Variants in SSBP2 observed in about 807,000 individuals in gnomAD.
SSBP2 encodes the protein single stranded DNA binding protein 2, also known as single-stranded DNA-binding protein 2.
A neutral mutation model predicts 61.8 loss-of-function variants in SSBP2; 17 were observed. The observed-to-expected ratio is 0.28, with a 90% CI of 0.19 to 0.41. The LOEUF (loss-of-function observed/expected upper bound fraction) is 0.41, where lower values mean the gene tolerates loss of function less well. SSBP2 is among the 10% of genes least tolerant of loss of function. The pLI is 1.00. For synonymous variants in SSBP2, 139 were observed against 141.3 expected (o/e 0.98, Z 0.12); for missense variants, 310 against 458.7 (o/e 0.68, Z 2.96).
rs370761468 is a variant in SSBP2 at position 81,515,556 on chromosome 5, ATGTTTTTTTCTCTATTC to A, written c.283-1856_283-1840del. On this transcript the variant is annotated intron_variant, in intron 4 of 16. Coordinates refer to ENST00000320672, the MANE Select transcript of SSBP2 (RefSeq NM_012446.5). ...CAGTTGCCTAAGAAGTATATAAAAT[ATGTTTTTTTCTCTATTC>A]AAAGGAATAGGCATTTGTATTCATT... 6.2e-3 allele frequency among the ~76,000 whole-genome samples: 950 copies of A among 152,040 alleles called. 11 individuals carry two copies. The highest frequency in any genetic ancestry group is 0.022 in the African/African-American group (917 of 41,558).
chr5:81,709,574 G>T (rs992521814), intron 1 of SSBP2, among the ~76,000 whole-genome samples: 6 of 151,678 alleles, frequency 4.0e-5, no homozygotes, highest in African/African-American at 1.4e-4. Flanking sequence ...TGACCAAGAA[G>T]GAAAAAGAGA....
intron 4 of SSBP2, 127 bp from the exon 5 acceptor site, chr5:81,513,844 C>G (rs1299828739): frequency 1.7e-6 from 1 of 583,386 alleles, no homozygotes; most frequent in Non-Finnish European, 3.0e-6. Context: ...GTAATTTTCC[C>G]CATCCTAGAA....
chr5:81,751,337 C>T (rs1757757942), upstream of SSBP2: 3 of 530,726 alleles, frequency 5.7e-6, no homozygotes, highest in Non-Finnish European at 3.4e-6. Context: ...CCTCCACCCG[C>T]TCTCCTTCCC....
intron 4 of SSBP2, among the ~76,000 whole-genome samples, chr5:81,581,957 AT>A (rs1248842515): frequency 6.6e-6 from 1 of 152,170 alleles, no homozygotes; most frequent in Non-Finnish European, 1.5e-5. Context: ...AAATATAAAA[AT>A]GTCCTTATTG....
At chr5:81,499,287 G>A (rs976511101) in intron 5 of SSBP2, among the ~76,000 whole-genome samples, 2 of 152,104 alleles carry the variant, frequency 1.3e-5, no homozygotes, top group Non-Finnish European at 1.5e-5. Flanking sequence ...TTTTGGCAAG[G>A]CTAACCCAAT....
intron 4 of SSBP2, among the ~76,000 whole-genome samples, chr5:81,598,040 A>G (rs572874401): frequency 2.0e-5 from 3 of 151,674 alleles, no homozygotes; most frequent in Middle Eastern, 6.8e-3. Context: ...AATAAAATAA[A>G]TTTAAAAGAG....
intron 1 of SSBP2, among the ~76,000 whole-genome samples, chr5:81,740,076 C>T (rs1325111251): frequency 1.3e-5 from 2 of 152,040 alleles, no homozygotes; most frequent in African/African-American, 4.8e-5. Context: ...GCCCTGAATT[C>T]GTAAGTCCAA....
At chr5:81,474,782 A>G (rs993300764) in intron 6 of SSBP2, among the ~76,000 whole-genome samples, 2 of 152,190 alleles carry the variant, frequency 1.3e-5, no homozygotes, top group Non-Finnish European at 2.9e-5. Context: ...CAATTTTGTG[A>G]CAAATAAAAT....
intron 9 of SSBP2, among the ~76,000 whole-genome samples, chr5:81,462,561 A>AT (rs1436649431): frequency 6.6e-6 from 1 of 152,122 alleles, no homozygotes; most frequent in African/African-American, 2.4e-5. Flanking sequence ...ATTTGTATTG[A>AT]TTGTCTTTGG....
intron 1 of SSBP2, among the ~76,000 whole-genome samples, chr5:81,748,608 T>C (rs1410128445): frequency 6.6e-6 from 1 of 152,210 alleles, no homozygotes; most frequent in Non-Finnish European, 1.5e-5. Context: ...AGAACAGTCA[T>C]TGTCAATTCT....
intron 1 of SSBP2, among the ~76,000 whole-genome samples, chr5:81,688,727 A>G (rs927070409): frequency 2.2e-4 from 33 of 152,166 alleles, no homozygotes; most frequent in African/African-American, 7.2e-4. Context: ...AAGTCCCTTC[A>G]AATACCTGAA....
Position 81,655,240 on chromosome 5 carries a change from T to G in SSBP2, c.63-4901A>C, listed in dbSNP as rs528203909. ...GATAAATATTGAATATACAAATATT[T>G]GAACAGTAATACTTTTGAATTAACA... On this transcript the variant is annotated intron_variant, in intron 1 of 16. Coordinates refer to ENST00000320672, the MANE Select transcript of SSBP2 (RefSeq NM_012446.5). 3.9e-5 allele frequency among the ~76,000 whole-genome samples: 6 copies of G among 152,336 alleles called. No individual in the cohort carries two copies. In the East Asian group the frequency reaches 1.2e-3, roughly 29 times the overall value.
chr5:81,499,636 C>A (rs549683942), intron 5 of SSBP2, among the ~76,000 whole-genome samples: 1 of 152,216 alleles, frequency 6.6e-6, no homozygotes, highest in Admixed American at 6.5e-5. Context: ...ATTAAAATGA[C>A]AATGACAGAT....
intron 5 of SSBP2, 99 bp downstream of exon 5, chr5:81,513,529 C>T: frequency 1.4e-6 from 1 of 732,712 alleles, no homozygotes; most frequent in Non-Finnish European, 2.3e-6. Context: ...TATTATTTAC[C>T]TTAAAAATTA....
At chr5:81,491,469 A>AT (rs1378104209) in intron 5 of SSBP2, among the ~76,000 whole-genome samples, 32 of 152,012 alleles carry the variant, frequency 2.1e-4, no homozygotes, top group African/African-American at 4.8e-5. Flanking sequence ...TAAAAGGAGA[A>AT]TTTTTTTTCC....
At chr5:81,685,091 T>G (rs947559511) in intron 1 of SSBP2, among the ~76,000 whole-genome samples, 16 of 151,980 alleles carry the variant, frequency 1.1e-4, no homozygotes, top group African/African-American at 3.9e-4. Flanking sequence ...TCACTCGCTC[T>G]CTCTCTCCTG....
chr5:81,445,664 AG>A (rs1763357081), intron 12 of SSBP2, among the ~76,000 whole-genome samples: 1 of 152,162 alleles, frequency 6.6e-6, no homozygotes, highest in Admixed American at 6.5e-5. Flanking sequence ...CTAAATTGAA[AG>A]GGCTCAAAAT....
chr5:81,476,238 G>T (rs1026404393), intron 6 of SSBP2, among the ~76,000 whole-genome samples: 4 of 152,056 alleles, frequency 2.6e-5, no homozygotes, highest in Admixed American at 2.0e-4. Context: ...TTCAAGTCAG[G>T]AAATCAACAT....
intron 12 of SSBP2, among the ~76,000 whole-genome samples, chr5:81,443,585 C>CA (rs1193607751): frequency 6.6e-6 from 1 of 152,066 alleles, no homozygotes; most frequent in East Asian, 1.9e-4. Context: ...TTTTTTTAGA[C>CA]AGAGTCTTGC....
Sources: allele counts gnomAD v4.1 joint callset (sites outside exome capture counted in the v4.1 genomes callset), GRCh38; gene constraint gnomAD v4.1.1; transcripts MANE v1.5; gene names NCBI Gene and HGNC (gene_info 2026-07-23, HGNC 2026-07-21).